The following ZNF618 variants were observed in gnomAD, a reference collection of about 807,000 sequenced individuals.
The protein encoded by ZNF618 is neural precursor cell expressed, developmentally down-regulated 10.
Under a neutral mutation model 103.0 loss-of-function variants are expected in ZNF618, and 34 were observed. The observed-to-expected ratio is 0.33, with a 90% confidence interval of 0.25 to 0.44. The LOEUF (loss-of-function observed/expected upper bound fraction) is 0.44, where lower values mean the gene tolerates loss of function less well. Among genes scored for constraint, ZNF618 ranks in the 20% least tolerant of loss-of-function variants. The probability of loss-of-function intolerance (pLI) is 1.00; values close to 1 mark genes in which losing one functional copy is unlikely to be tolerated. For synonymous variants in ZNF618, 551 were observed against 542.2 expected (o/e 1.02, Z -0.23); for missense variants, 1,059 against 1,295.4 (o/e 0.82, Z 2.80).
chr9:114,050,442 GCA>G lies in ZNF618; in HGVS notation c.*307_*308del, dbSNP rs113819665. 20,990 of 208,982 alleles carry G rather than the reference GCA, an allele frequency of 0.1. 671 individuals carry two copies. Among genetic ancestry groups the G allele is most frequent in the East Asian group, 0.11 (802 of 7,618 alleles). 12.9% of individuals were successfully genotyped at this position (208,982 alleles called of 1,614,324 possible). ...ATGGCCAGAGAAACTTTGCACACAC[GCA>G]CACACACACACACACACACACACAC... On this transcript the variant is annotated 3_prime_UTR_variant, in exon 15 of 15. Coordinates refer to ENST00000374126, the MANE Select transcript of ZNF618 (RefSeq NM_001318042.2).
chr9:113,966,588 T>G (rs1317776250), intron 1 of ZNF618, among the ~76,000 whole-genome samples: 1 of 152,012 alleles, frequency 6.6e-6, no homozygotes, highest in Admixed American at 6.6e-5. Context: ...ACCCTGGGAG[T>G]TGGTGTTCCC....
chr9:113,931,674 C>T (rs548095683), intron 1 of ZNF618, among the ~76,000 whole-genome samples: 19 of 152,154 alleles, frequency 1.2e-4, no homozygotes, highest in Non-Finnish European at 2.2e-4. Context: ...TCGAGATGTG[C>T]TGTAAGTGTA....
chr9:113,889,295 T>C (rs1829371553), intron 1 of ZNF618, among the ~76,000 whole-genome samples: 1 of 149,678 alleles, frequency 6.7e-6, no homozygotes, highest in East Asian at 2.0e-4. Flanking sequence ...GCTGATCTCC[T>C]TGGCCCTGTC....
chr9:113,989,384 C>G (rs1304623934), intron 3 of ZNF618, among the ~76,000 whole-genome samples: 1 of 152,212 alleles, frequency 6.6e-6, no homozygotes, highest in Non-Finnish European at 1.5e-5. Flanking sequence ...GATGGGAATT[C>G]TTTTGGCTTT....
At chr9:113,995,802 A>G (rs929002884) in intron 3 of ZNF618, among the ~76,000 whole-genome samples, 8 of 152,078 alleles carry the variant, frequency 5.3e-5, no homozygotes, top group South Asian at 2.1e-4. Flanking sequence ...CGACACCAGT[A>G]TTGTAGGGTC....
intron 10 of ZNF618, among the ~76,000 whole-genome samples, chr9:114,022,895 A>T (rs548817428): frequency 6.6e-6 from 1 of 152,202 alleles, no homozygotes; most frequent in East Asian, 1.9e-4. Flanking sequence ...ATGCCATTCT[A>T]TATCTCTGGT....
chr9:113,959,146 G>T (rs1021122507), intron 1 of ZNF618, among the ~76,000 whole-genome samples: 1 of 152,040 alleles, frequency 6.6e-6, no homozygotes, highest in Non-Finnish European at 1.5e-5. Flanking sequence ...AAAATTAGCC[G>T]GGCGTCGTGG....
At chr9:113,918,860 T>C (rs561456470) in intron 1 of ZNF618, among the ~76,000 whole-genome samples, 2 of 152,340 alleles carry the variant, frequency 1.3e-5, no homozygotes, top group African/African-American at 4.8e-5. Flanking sequence ...TCTGTATCAC[T>C]CACTGTTGTA....
chr9:113,951,321 C>T (rs1176314814), intron 1 of ZNF618, among the ~76,000 whole-genome samples: 3 of 143,384 alleles, frequency 2.1e-5, no homozygotes, highest in African/African-American at 5.1e-5. Flanking sequence ...CAGTGTTTGA[C>T]ATAGAATAGG....
At chr9:114,019,406 A>G (rs1189170627) in intron 10 of ZNF618, among the ~76,000 whole-genome samples, 5 of 152,088 alleles carry the variant, frequency 3.3e-5, no homozygotes, top group Admixed American at 3.3e-4. Flanking sequence ...TAACTTTTTA[A>G]TAAGTGACAA....
At chr9:113,916,950 A>G (rs1323779409) in intron 1 of ZNF618, among the ~76,000 whole-genome samples, 1 of 152,274 alleles carries the variant, frequency 6.6e-6, no homozygotes, top group East Asian at 1.9e-4. Context: ...CTTTCCTAAG[A>G]TGCTACTCTG....
chr9:113,932,873 C>T (rs974070381), intron 1 of ZNF618, among the ~76,000 whole-genome samples: 3 of 152,038 alleles, frequency 2.0e-5, no homozygotes, highest in Admixed American at 6.6e-5. Flanking sequence ...GGAGCGCAGG[C>T]GAGCAGTGGT....
Position 114,028,950 on chromosome 9 carries a change from T to C in ZNF618, c.1062T>C (p.Ser354=). The C allele has an allele frequency of 6.4e-7, 1 of 1,550,706 alleles. No homozygotes were observed. ...TQTFRTPNSG[S]PASKATAAES... ...CGTTCCGCACTCCAAATTCGGGATCTCCGGCGAGCAAGGCAACCGCAGGTA... is the reference window on the plus strand; with the variant it reads ...CGTTCCGCACTCCAAATTCGGGATCCCCGGCGAGCAAGGCAACCGCAGGTA... Residue 354 remains serine, a synonymous_variant, in exon 11 of 15, where the codon TCT becomes TCC. Transcript: ENST00000374126.
intron 1 of ZNF618, among the ~76,000 whole-genome samples, chr9:113,906,734 A>AT (rs1831024359): frequency 6.6e-6 from 1 of 152,234 alleles, no homozygotes; most frequent in South Asian, 2.1e-4. Flanking sequence ...CAGTTTATAC[A>AT]ACAAACCATC....
chr9:113,953,172 TCACC>T (rs1314598384), intron 1 of ZNF618, among the ~76,000 whole-genome samples: 3 of 152,162 alleles, frequency 2.0e-5, no homozygotes, highest in Non-Finnish European at 4.4e-5. Context: ...TACTTCGAGG[TCACC>T]CTGTTCGGCT....
In ZNF618 at chr9:114,028,350, A is replaced by G. The variant is rs532185860; in HGVS notation, c.845-383A>G. 26 of 207,568 alleles carry G rather than the reference A, an allele frequency of 1.3e-4. No homozygotes were observed. In the East Asian group the frequency reaches 3.0e-3, roughly 24 times the overall value. 12.9% of individuals were successfully genotyped at this position (207,568 alleles called of 1,614,324 possible). ...GCATGTCCCTGCCTGTCTACTTCCT[A>G]TTGTAACTTCCAAGCCAGCCTTCCT... On this transcript the variant is annotated intron_variant, in intron 10 of 14. Coordinates refer to ENST00000374126, the MANE Select transcript of ZNF618 (RefSeq NM_001318042.2).
intron 3 of ZNF618, among the ~76,000 whole-genome samples, chr9:113,997,227 C>T (rs1000995298): frequency 1.3e-5 from 2 of 152,080 alleles, no homozygotes; most frequent in African/African-American, 2.4e-5. Context: ...CTCACCTCAG[C>T]CTCCCAAGTA....
At chr9:113,973,944 A>T (rs1258525754) in intron 2 of ZNF618, among the ~76,000 whole-genome samples, 4 of 152,104 alleles carry the variant, frequency 2.6e-5, no homozygotes, top group African/African-American at 9.7e-5. Context: ...AGACAAGGAG[A>T]TTGGGGAGGA....
At chr9:113,946,716 G>T (rs928805895) in intron 1 of ZNF618, among the ~76,000 whole-genome samples, 1 of 152,196 alleles carries the variant, frequency 6.6e-6, no homozygotes, top group South Asian at 2.1e-4. Flanking sequence ...AGTACCCCTC[G>T]CAGGATGTAG....
Sources: gnomAD v4.1 joint callset for allele counts (sites outside exome capture counted in the v4.1 genomes callset) on GRCh38, gnomAD v4.1.1 for gene constraint, MANE v1.5 for transcripts, NCBI Gene and HGNC (gene_info 2026-07-23, HGNC 2026-07-21) for gene names.